Variants in TM2D1 observed in about 807,000 individuals in gnomAD.
The protein encoded by TM2D1 is TM2 domain containing 1, also known as TM2 domain-containing protein 1.
A neutral mutation model predicts 28.4 loss-of-function variants in TM2D1; 15 were observed. That is an observed-to-expected ratio of 0.53 (90% CI 0.35 to 0.81). TM2D1 has a LOEUF of 0.81. Among genes scored for constraint, TM2D1 ranks in the 40% least tolerant of loss-of-function variants. The pLI is 0.01. For synonymous variants in TM2D1, 93 were observed against 96.2 expected, an observed-to-expected ratio of 0.97 and a Z score of 0.20; for missense variants, 236 against 254.9, an observed-to-expected ratio of 0.93 and a Z score of 0.50.
Position 61,700,920 on chromosome 1 carries a change from T to C in TM2D1, c.439+14A>G. The C allele has an allele frequency of 6.3e-7, 1 of 1,585,944 alleles. No individual in the cohort carries two copies. Among genetic ancestry groups the C allele is most frequent in the South Asian group, 1.2e-5 (1 of 85,766 alleles). On this transcript the variant is annotated intron_variant, in intron 4 of 6. Coordinates refer to ENST00000606498, the MANE Select transcript of TM2D1 (RefSeq NM_032027.3). ...AGGTTTCATAAGGATTTTTTTTTAA[T>C]GAAACATACGCACCCAAAGCAGGGT...
intron 1 of TM2D1, among the ~76,000 whole-genome samples, chr1:61,724,687 G>C (rs1323642997): frequency 6.6e-6 from 1 of 152,008 alleles, no homozygotes; most frequent in Non-Finnish European, 1.5e-5. Context: ...TACTGAACAA[G>C]TAAGCACACT....
intron 6 of TM2D1, among the ~76,000 whole-genome samples, chr1:61,681,719 A>T (rs1275948212): frequency 6.6e-6 from 1 of 152,238 alleles, no homozygotes; most frequent in African/African-American, 2.4e-5. Context: ...ACATGAAACT[A>T]CACAATCCTT....
chr1:61,723,010 C>G (rs1340591693), intron 2 of TM2D1, among the ~76,000 whole-genome samples: 1 of 152,158 alleles, frequency 6.6e-6, no homozygotes, highest in Non-Finnish European at 1.5e-5. Context: ...AAAAGAATTT[C>G]TATCCCAAAA....
chr1:61,707,259 A>T (rs769356919), intron 3 of TM2D1, among the ~76,000 whole-genome samples: 14 of 152,186 alleles, frequency 9.2e-5, no homozygotes, highest in Non-Finnish European at 1.5e-4. Flanking sequence ...TGTCTCAAAA[A>T]ATATAAAATA....
intron 4 of TM2D1, chr1:61,700,232 G>C (rs1355216431): frequency 2.0e-6 from 3 of 1,527,994 alleles, no homozygotes; most frequent in South Asian, 2.5e-5. Flanking sequence ...AAAGCCTCTA[G>C]ACTCAGTAAA....
At chr1:61,706,214 T>C (rs1300872109) in intron 3 of TM2D1, among the ~76,000 whole-genome samples, 1 of 152,162 alleles carries the variant, frequency 6.6e-6, no homozygotes, top group Non-Finnish European at 1.5e-5. Context: ...TTTTCTTTTA[T>C]TTGTTTGAGA....
intron 4 of TM2D1, among the ~76,000 whole-genome samples, chr1:61,696,542 C>CAAA (rs10710571): frequency 8.2e-6 from 1 of 121,624 alleles, no homozygotes; most frequent in Non-Finnish European, 1.8e-5. Flanking sequence ...AACCTTGTCT[C>CAAA]AAAAAAAAAA....
rs1350395496 is a variant in TM2D1, at chr1:61,691,877, T to C, written c.513+2820A>G. Among the ~76,000 whole-genome samples, 3 of 139,736 alleles carry C rather than the reference T, an allele frequency of 2.1e-5. No individual in the cohort carries two copies. The East Asian group carries it at 6.4e-4, about 30-fold the overall frequency. 91.7% of individuals were successfully genotyped at this position (139,736 alleles called of 152,430 possible). A position where few individuals can be genotyped will look rare whatever the true frequency, so the allele number is the denominator to read the frequency against. On this transcript the variant is annotated intron_variant, in intron 5 of 6. Transcript: ENST00000606498. ...TTGCGGTGAGCCGAGATCAAGCCACTGCACTCCAGCCTGGGCGACGAAAAC... is the reference window on the plus strand; with the variant it reads ...TTGCGGTGAGCCGAGATCAAGCCACCGCACTCCAGCCTGGGCGACGAAAAC...
chr1:61,699,786 A>C (rs1324266694), intron 4 of TM2D1: 1 of 156,050 alleles, frequency 6.4e-6, no homozygotes, highest in Non-Finnish European at 1.4e-5. Flanking sequence ...TGTGACCTTC[A>C]TCATTATTTC....
chr1:61,686,511 G>T (rs952167931), intron 5 of TM2D1, among the ~76,000 whole-genome samples: 8 of 151,524 alleles, frequency 5.3e-5, no homozygotes, highest in Non-Finnish European at 1.0e-4. Context: ...AAAAATACAA[G>T]AATTAGTCAG....
Position 61,725,134 on chromosome 1 carries a change from A to T in TM2D1, c.-14T>A. On this transcript the variant is annotated 5_prime_UTR_variant, in exon 1 of 7. Coordinates refer to ENST00000606498, the MANE Select transcript of TM2D1 (RefSeq NM_032027.3). ...GGCGGCCGCCATCTTGGAGACCGAC[A>T]CTTTCTCGCCACTTCCGCTTCCGCC... The T allele has an allele frequency of 6.2e-7, 1 of 1,613,372 alleles. No individual in the cohort carries two copies. Among genetic ancestry groups the T allele is most frequent in the Non-Finnish European group, 8.5e-7 (1 of 1,179,818 alleles).
intron 2 of TM2D1, among the ~76,000 whole-genome samples, chr1:61,719,896 C>T (rs1380101021): frequency 2.6e-5 from 4 of 152,184 alleles, no homozygotes; most frequent in Non-Finnish European, 5.9e-5. Context: ...GTTTGCAACA[C>T]TAATTTACAG....
Position 61,683,401 on chromosome 1 carries a change from T to C in TM2D1, c.*19+16A>G, listed in dbSNP as rs1267011052. ...ATACCACTATAAGATATTACATATATATATATATCACTTACTGTTTCTTTT... is the reference window on the plus strand; with the variant it reads ...ATACCACTATAAGATATTACATATACATATATATCACTTACTGTTTCTTTT... On this transcript the variant is annotated intron_variant, in intron 6 of 6. Coordinates refer to ENST00000606498, the MANE Select transcript of TM2D1 (RefSeq NM_032027.3). The C allele has an allele frequency of 1.8e-5, 14 of 795,694 alleles. No homozygotes were observed. Among genetic ancestry groups the C allele is most frequent in the Middle Eastern group, 7.6e-4 (2 of 2,626 alleles). 49.3% of individuals were successfully genotyped at this position (795,694 alleles called of 1,614,324 possible).
intron 5 of TM2D1, among the ~76,000 whole-genome samples, chr1:61,684,071 G>C (rs1282941286): frequency 6.6e-6 from 1 of 152,152 alleles, no homozygotes; most frequent in African/African-American, 2.4e-5. Flanking sequence ...AGATGAGGTT[G>C]TATCATTGAC....
Position 61,725,138 on chromosome 1 carries a change from T to G in TM2D1, c.-18A>C. 6.2e-7 allele frequency: 1 copy of G among 1,613,174 alleles called. No individual in the cohort carries two copies. Among genetic ancestry groups the G allele is most frequent in the East Asian group, 2.2e-5 (1 of 44,866 alleles). ...GCCGCCATCTTGGAGACCGACACTT[T>G]CTCGCCACTTCCGCTTCCGCCTCCG... On this transcript the variant is annotated 5_prime_UTR_variant, in exon 1 of 7. Transcript: ENST00000606498.
chr1:61,720,402 T>C (rs1361881822), intron 2 of TM2D1, among the ~76,000 whole-genome samples: 2 of 152,030 alleles, frequency 1.3e-5, no homozygotes, highest in Admixed American at 1.3e-4. Flanking sequence ...CCACTACGCC[T>C]GGCTAATTTT....
intron 5 of TM2D1, among the ~76,000 whole-genome samples, chr1:61,690,471 A>C (rs1411875001): frequency 6.6e-6 from 1 of 151,190 alleles, no homozygotes; most frequent in African/African-American, 2.4e-5. Flanking sequence ...AAAAAAAAAA[A>C]AAAAAAAAAA....
intron 5 of TM2D1, among the ~76,000 whole-genome samples, chr1:61,687,471 T>C (rs1336636046): frequency 1.3e-5 from 2 of 152,208 alleles, no homozygotes; most frequent in African/African-American, 4.8e-5. Context: ...GTATTAATGT[T>C]TGCAATTTAT....
chr1:61,714,226 T>C (rs1295047281), intron 2 of TM2D1, among the ~76,000 whole-genome samples: 1 of 148,016 alleles, frequency 6.8e-6, no homozygotes, highest in Non-Finnish European at 1.5e-5. Context: ...GAGTTGAAAA[T>C]GCCTGGTAAA....
Sources: gnomAD v4.1 joint callset for allele counts (sites outside exome capture counted in the v4.1 genomes callset) on GRCh38, gnomAD v4.1.1 for gene constraint, MANE v1.5 for transcripts, NCBI Gene and HGNC (gene_info 2026-07-23, HGNC 2026-07-21) for gene names.